POU6F2: variants seen among roughly 807,000 people sequenced by gnomAD.
POU6F2 encodes the protein POU domain, class 6, transcription factor 2.
Under a neutral mutation model 71.3 loss-of-function variants are expected in POU6F2, and 31 were observed. The observed-to-expected ratio is 0.43, with a 90% CI of 0.33 to 0.59. The LOEUF (loss-of-function observed/expected upper bound fraction) is 0.59, where lower values mean the gene tolerates loss of function less well. POU6F2 is among the 20% of genes least tolerant of loss of function. POU6F2 has a pLI of 0.04. For synonymous variants in POU6F2, 347 were observed against 355.7 expected (o/e 0.98, Z 0.27); for missense variants, 783 against 856.8 (o/e 0.91, Z 1.07).
At chr7:39,373,062 G>T (rs1017544530) in intron 5 of POU6F2, among the ~76,000 whole-genome samples, 3 of 152,182 alleles carry the variant, frequency 2.0e-5, no homozygotes, top group Admixed American at 1.3e-4. Context: ...TAGGCAAGTT[G>T]CTTAGCCCTT....
chr7:39,129,004 G>A (rs540933862), intron 2 of POU6F2, among the ~76,000 whole-genome samples: 3 of 152,314 alleles, frequency 2.0e-5, no homozygotes, highest in Admixed American at 1.3e-4. Flanking sequence ...AGTGGATATT[G>A]CTTTTGGAAT....
In POU6F2 at chr7:39,222,713, A is replaced by G. The variant is rs895740252; in HGVS notation, c.598+15093A>G. On this transcript the variant is annotated intron_variant, in intron 4 of 9. Transcript: ENST00000518318. ...GCTTAGCATAATGTTTTCAAGGTTC[A>G]TTCATGTTGTAGCATATGTCAGAAT... Among the ~76,000 whole-genome samples, 5 of 152,204 alleles carry G rather than the reference A, an allele frequency of 3.3e-5. No individual in the cohort carries two copies. The South Asian group carries it at 8.3e-4, about 25-fold the overall frequency.
At chr7:39,404,652 A>G (rs569068007) in intron 5 of POU6F2, 6 of 152,212 alleles carry the variant, frequency 3.9e-5, no homozygotes, top group Non-Finnish European at 8.8e-5. Flanking sequence ...CAAGAAATTC[A>G]TTATGATTTC....
At position 39,335,250 on chromosome 7, in the gene POU6F2, T is replaced by C. The variant is rs1017481061; in HGVS notation, c.599-4392T>C. ...TATAATAACAGCCATGTTTCTCTGT[T>C]CCTTATAATAACTCGTGGCTCATAC... On this transcript the variant is annotated intron_variant, in intron 4 of 9. Transcript: ENST00000518318. Among the ~76,000 whole-genome samples, 3 of 152,212 alleles carry C rather than the reference T, an allele frequency of 2.0e-5. No homozygotes were observed. In the East Asian group the frequency reaches 5.8e-4, roughly 29 times the overall value.
chr7:39,313,233 AACCCAACCAC>A (rs1344290389), intron 4 of POU6F2, among the ~76,000 whole-genome samples: 2 of 152,044 alleles, frequency 1.3e-5, no homozygotes, highest in African/African-American at 4.8e-5. Flanking sequence ...CAGACCCATC[AACCCAACCAC>A]ACCTCAGGCC....
chr7:39,204,417 A>C lies in POU6F2; in HGVS notation c.369+91A>C, dbSNP rs1054513891. ...AATAAATAATAATGAGTTAAATCCA[A>C]TTGACTCCAACAGAGCAAAGATGGT... On this transcript the variant is annotated intron_variant, in intron 3 of 9. Transcript: ENST00000518318. 3 of 1,068,232 alleles carry C rather than the reference A, an allele frequency of 2.8e-6. No individual in the cohort carries two copies. The African/African-American group carries it at 4.7e-5, about 17-fold the overall frequency. The allele number at this position is 1,068,232 out of a possible 1,614,324, so 66.2% of individuals were successfully genotyped here.
intron 2 of POU6F2, among the ~76,000 whole-genome samples, chr7:39,185,957 G>A (rs1015221885): frequency 4.6e-5 from 7 of 151,656 alleles, no homozygotes; most frequent in African/African-American, 1.5e-4. Flanking sequence ...GTTGCCCAGG[G>A]TGGAGTGCAG....
At chr7:39,067,571 A>G (rs557678318) in intron 1 of POU6F2, among the ~76,000 whole-genome samples, 1 of 152,194 alleles carries the variant, frequency 6.6e-6, no homozygotes, top group Admixed American at 6.5e-5. Context: ...ACTAATCTCA[A>G]TGTCATCATC....
In POU6F2 at chr7:39,464,134, G is replaced by C. The variant is rs1286789079; in HGVS notation, c.1659-48G>C. The C allele has an allele frequency of 1.9e-6, 3 of 1,571,210 alleles. No individual in the cohort carries two copies. The highest frequency in any genetic ancestry group is 1.4e-5 in the African/African-American group (1 of 73,852). Reference sequence around the variant, plus strand: ...GGCAGGCAGGCAGGAGGCCCACCCTGGCAGAGGACTCAGTGTAAGACTGTT... The same window carrying C: ...GGCAGGCAGGCAGGAGGCCCACCCTCGCAGAGGACTCAGTGTAAGACTGTT... On this transcript the variant is annotated intron_variant, in intron 9 of 9. Transcript: ENST00000518318. The surrounding 1 kb of genome is among the most constrained non-coding windows in gnomAD (Gnocchi z 4.1).
chr7:39,037,020 C>G (rs896372882), intron 1 of POU6F2, among the ~76,000 whole-genome samples: 1 of 151,964 alleles, frequency 6.6e-6, no homozygotes, highest in Admixed American at 6.6e-5. Context: ...CATACTCTTA[C>G]TGATTATGAT....
intron 5 of POU6F2, among the ~76,000 whole-genome samples, chr7:39,379,015 A>G (rs1786768366): frequency 6.6e-6 from 1 of 152,162 alleles, no homozygotes; most frequent in South Asian, 2.1e-4. Flanking sequence ...GGTCTAGTGG[A>G]AAAGAGGAGG....
At chr7:39,142,636 G>A (rs1399493983) in intron 2 of POU6F2, among the ~76,000 whole-genome samples, 2 of 151,754 alleles carry the variant, frequency 1.3e-5, no homozygotes, top group African/African-American at 4.8e-5. Flanking sequence ...ATATTTTTTT[G>A]TTGAATTGTA....
chr7:39,121,848 G>A (rs1792048705), intron 2 of POU6F2, among the ~76,000 whole-genome samples: 1 of 152,092 alleles, frequency 6.6e-6, no homozygotes, highest in African/African-American at 2.4e-5. Flanking sequence ...AGAGGCATGT[G>A]CCATCATGCC....
At position 39,066,923 on chromosome 7, in the gene POU6F2, CAT is replaced by C. The variant is rs369120536; in HGVS notation, c.106-18934_106-18933del. Among the ~76,000 whole-genome samples the C allele has an allele frequency of 1.9e-4, 28 of 147,224 alleles. No individual in the cohort carries two copies. The East Asian group carries it at 3.3e-3, about 18-fold the overall frequency. On this transcript the variant is annotated intron_variant, in intron 1 of 9. Coordinates refer to ENST00000518318, the MANE Select transcript of POU6F2 (RefSeq NM_001370959.1). ...AATATATAATATCATATTATTATAA[CAT>C]ATTAATATAACAGAAATATACCATT...
At chr7:38,991,444 G>C (rs1435332346) in intron 1 of POU6F2, among the ~76,000 whole-genome samples, 1 of 152,118 alleles carries the variant, frequency 6.6e-6, no homozygotes, top group Admixed American at 6.6e-5. Context: ...CCAGTGGAAA[G>C]TTTGGGTCTG....
At chr7:39,396,922 A>T (rs1345275356) in intron 5 of POU6F2, among the ~76,000 whole-genome samples, 1 of 151,186 alleles carries the variant, frequency 6.6e-6, no homozygotes, top group Non-Finnish European at 1.5e-5. Context: ...AGACTTGTTC[A>T]CTGCCACTTT....
intron 2 of POU6F2, among the ~76,000 whole-genome samples, chr7:39,093,142 A>T (rs1027074488): frequency 3.9e-5 from 6 of 152,184 alleles, no homozygotes; most frequent in African/African-American, 1.4e-4. Flanking sequence ...GATTTTTTTT[A>T]AATTAAAAAA....
intron 4 of POU6F2, among the ~76,000 whole-genome samples, chr7:39,302,038 G>A (rs73118050): frequency 0.12 from 17,676 of 152,090 alleles, 1,219 homozygotes; most frequent in East Asian, 0.17. Context: ...GTTACAACCC[G>A]CTTATTTAAT....
At chr7:39,431,501 A>T (rs531487831) in intron 6 of POU6F2, among the ~76,000 whole-genome samples, 60 of 152,336 alleles carry the variant, frequency 3.9e-4, no homozygotes, top group African/African-American at 1.3e-3. Flanking sequence ...GGTAGAAAGC[A>T]GTATCACTTA....
Sources: gnomAD v4.1 joint callset for allele counts (sites outside exome capture counted in the v4.1 genomes callset) on GRCh38, gnomAD v4.1.1 for gene constraint, Gnocchi (gnomAD v3.1) non-coding constraint, MANE v1.5 for transcripts, NCBI Gene and HGNC (gene_info 2026-07-23, HGNC 2026-07-21) for gene names.